Variants in DUSP16 observed in about 807,000 individuals in gnomAD.
DUSP16 encodes the protein dual specificity protein phosphatase 16.
DUSP16 carries 21 observed loss-of-function variants against 58.3 expected under a neutral mutation model. That is an observed-to-expected ratio of 0.36 (90% CI 0.26 to 0.52). The LOEUF is 0.52. Ranked by LOEUF, DUSP16 falls within the 20% of genes least tolerant of loss-of-function variation. The probability of loss-of-function intolerance (pLI) is 0.94; values close to 1 mark genes in which losing one functional copy is unlikely to be tolerated. For missense variants in DUSP16, 726 were observed against 819.0 expected, an observed-to-expected ratio of 0.89 and a Z score of 1.39; for synonymous variants, 320 against 323.8, an observed-to-expected ratio of 0.99 and a Z score of 0.12.
At position 12,511,403 on chromosome 12, in the gene DUSP16, C is replaced by T. The variant is rs1944077774; in HGVS notation, c.367+8459G>A. On this transcript the variant is annotated intron_variant, in intron 3 of 6. Transcript: ENST00000298573. The stretch of plus-strand genomic sequence containing the variant: ...TTAAAGAGCTTACATAATTTGATCT[C>T]ATGTCCTCTCAATTCCCATTTCTCT... Among the ~76,000 whole-genome samples the T allele has an allele frequency of 4.6e-5, 7 of 152,302 alleles. No individual in the cohort carries two copies. The South Asian group carries it at 1.5e-3, about 32-fold the overall frequency.
At chr12:12,501,419 G>GATCT (rs1335524670) in intron 3 of DUSP16, among the ~76,000 whole-genome samples, 1 of 152,184 alleles carries the variant, frequency 6.6e-6, no homozygotes, top group East Asian at 1.9e-4. Context: ...TCCTTACAAT[G>GATCT]ATCTGCTCTA....
chr12:12,555,914 G>A (rs1566062995), intron 1 of DUSP16, among the ~76,000 whole-genome samples: 1 of 152,138 alleles, frequency 6.6e-6, no homozygotes, highest in South Asian at 2.1e-4. Flanking sequence ...AGTTGCACAT[G>A]CCTATAGTCC....
rs529747563 is a variant in DUSP16, at chr12:12,512,384, G to A, written c.367+7478C>T. ...TCAGCAAATTTGAAGTATATGGTAC[G>A]TTTATTGTCAACCGTAGTCACCATG... On this transcript the variant is annotated intron_variant, in intron 3 of 6. Coordinates refer to ENST00000298573, the MANE Select transcript of DUSP16 (RefSeq NM_030640.3). Among the ~76,000 whole-genome samples the A allele has an allele frequency of 3.9e-4, 59 of 152,210 alleles. 1 individual carries two copies. Among genetic ancestry groups the A allele is most frequent in the Non-Finnish European group, 7.6e-4 (52 of 68,014 alleles).
chr12:12,538,384 A>C (rs1944502207), intron 1 of DUSP16, among the ~76,000 whole-genome samples: 1 of 152,200 alleles, frequency 6.6e-6, no homozygotes, highest in African/African-American at 2.4e-5. Context: ...ATAGCCAAAG[A>C]AGGACTTCCA....
intron 4 of DUSP16, among the ~76,000 whole-genome samples, chr12:12,496,815 A>C (rs1196803854): frequency 6.6e-6 from 1 of 152,244 alleles, no homozygotes; most frequent in African/African-American, 2.4e-5. Flanking sequence ...TAGTACAAAG[A>C]CTAGAGGATG....
chr12:12,509,348 G>A (rs76496861), intron 3 of DUSP16, among the ~76,000 whole-genome samples: 10,878 of 151,076 alleles, frequency 0.072, 818 homozygotes, highest in East Asian at 0.38. Flanking sequence ...CTCTTCTATA[G>A]CAGTATGGTC....
chr12:12,556,495 A>G (rs1353174978), intron 1 of DUSP16, among the ~76,000 whole-genome samples: 1 of 152,082 alleles, frequency 6.6e-6, no homozygotes. Context: ...GGACTGCTTG[A>G]GCCCAGGAGT....
chr12:12,507,569 C>G (rs1944014820), intron 3 of DUSP16, among the ~76,000 whole-genome samples: 1 of 152,170 alleles, frequency 6.6e-6, no homozygotes, highest in African/African-American at 2.4e-5. Context: ...GCATATAGTT[C>G]ATATGGTTTC....
chr12:12,541,828 A>AAACT (rs10685981), intron 1 of DUSP16, among the ~76,000 whole-genome samples: 88,452 of 151,718 alleles, frequency 0.58, 25,961 homozygotes, highest in East Asian at 0.67. Flanking sequence ...AATCTAAAAT[A>AAACT]ATTTAAGAAA....
rs778413123 is a variant in DUSP16 at position 12,474,842 on chromosome 12, A to G, written c.*1991T>C. The G allele has an allele frequency of 1.8e-4, 27 of 152,260 alleles. No individual in the cohort carries two copies. Among genetic ancestry groups the G allele is most frequent in the Admixed American group, 1.0e-3 (16 of 15,288 alleles). The allele number at this position is 152,260 out of a possible 1,614,324, so 9.4% of individuals were successfully genotyped here. On this transcript the variant is annotated 3_prime_UTR_variant, in exon 7 of 7. Transcript: ENST00000298573. ...TGTTACACATTTGGTGTGTGTGTAC[A>G]TAACATCAAAAACTACTGTGTGAAA...
chr12:12,526,156 G>A (rs1310278933), intron 1 of DUSP16, among the ~76,000 whole-genome samples: 1 of 152,128 alleles, frequency 6.6e-6, no homozygotes, highest in Non-Finnish European at 1.5e-5. Context: ...AATGACTACA[G>A]ATCATGGAAG....
chr12:12,481,265 C>T (rs746304414), intron 5 of DUSP16, among the ~76,000 whole-genome samples: 3 of 152,172 alleles, frequency 2.0e-5, no homozygotes, highest in African/African-American at 4.8e-5. Flanking sequence ...GAAATCCAAG[C>T]AGTGCTGCCA....
intron 5 of DUSP16, among the ~76,000 whole-genome samples, chr12:12,486,586 A>G (rs922849140): frequency 1.2e-4 from 18 of 152,032 alleles, no homozygotes; most frequent in African/African-American, 4.1e-4. Flanking sequence ...AAACACTGAC[A>G]TAAAGACTTA....
Position 12,520,051 on chromosome 12 carries a change from C to A in DUSP16, c.229-51G>T, listed in dbSNP as rs761590330. The A allele has an allele frequency of 1.8e-5, 29 of 1,593,614 alleles. No individual in the cohort carries two copies. The Middle Eastern group carries it at 1.5e-3, about 82-fold the overall frequency. On this transcript the variant is annotated intron_variant, in intron 2 of 6. Transcript: ENST00000298573. Reference sequence around the variant, plus strand: ...AGGAAGAAGGTGAGAAAAGTAATCTCAAACTACTGCTTAAGATCTCACATT... The same window carrying A: ...AGGAAGAAGGTGAGAAAAGTAATCTAAAACTACTGCTTAAGATCTCACATT...
At chr12:12,560,351 A>G (rs955764304) in intron 1 of DUSP16, among the ~76,000 whole-genome samples, 2 of 152,072 alleles carry the variant, frequency 1.3e-5, no homozygotes, top group Non-Finnish European at 2.9e-5. Context: ...TTCAAAATAA[A>G]TTCATTTCTA....
intron 4 of DUSP16, among the ~76,000 whole-genome samples, chr12:12,494,583 T>A (rs1398538744): frequency 6.6e-6 from 1 of 152,116 alleles, no homozygotes; most frequent in Non-Finnish European, 1.5e-5. Flanking sequence ...CTATTTATAA[T>A]GGGAACTAAA....
At chr12:12,537,533 G>T (rs1944485378) in intron 1 of DUSP16, among the ~76,000 whole-genome samples, 1 of 152,198 alleles carries the variant, frequency 6.6e-6, no homozygotes, top group African/African-American at 2.4e-5. Context: ...TGCTATTGAT[G>T]AAACTTAATA....
rs147568810 is a variant in DUSP16, at chr12:12,521,535, G to C, written c.-365-72C>G. ...AGAAGAAAGAGTGTCAGATTAGAGA[G>C]AGTGTATGATTCATAATATTTACTC... On this transcript the variant is annotated intron_variant, in intron 1 of 6. Coordinates refer to ENST00000298573, the MANE Select transcript of DUSP16 (RefSeq NM_030640.3). 5.4e-4 allele frequency: 339 copies of C among 631,482 alleles called. 3 individuals are homozygous for C. In the African/African-American group the frequency reaches 5.7e-3, roughly 11 times the overall value. 39.1% of individuals were successfully genotyped at this position (631,482 alleles called of 1,614,324 possible).
intron 3 of DUSP16, among the ~76,000 whole-genome samples, chr12:12,510,784 T>C (rs1944066196): frequency 6.6e-6 from 1 of 152,152 alleles, no homozygotes; most frequent in African/African-American, 2.4e-5. Flanking sequence ...AGGGAAGGCT[T>C]GACAACCACA....
Sources: allele counts gnomAD v4.1 joint callset (sites outside exome capture counted in the v4.1 genomes callset), GRCh38; gene constraint gnomAD v4.1.1; transcripts MANE v1.5; gene names NCBI Gene and HGNC (gene_info 2026-07-23, HGNC 2026-07-21).